The following PAK4 variants were observed in gnomAD, a reference collection of about 807,000 sequenced individuals.
PAK4 encodes p21 (RAC1) activated kinase 4, also known as serine/threonine-protein kinase PAK 4.
In PAK4, 49 loss-of-function variants were observed where a neutral mutation model predicts 53.5. The ratio of observed to expected loss-of-function variants is 0.92; its 90% CI spans 0.73 to 1.16. The LOEUF is 1.16. PAK4 is among the 50% of genes most tolerant of loss of function. The pLI is 0.00. For synonymous variants in PAK4, 376 were observed against 375.6 expected, an observed-to-expected ratio of 1.00 and a Z score of -0.01; for missense variants, 824 against 850.7, an observed-to-expected ratio of 0.97 and a Z score of 0.39.
At chr19:39,152,494 A>C (rs2074109125) in intron 1 of PAK4, 1 of 152,200 alleles carries the variant, frequency 6.6e-6, no homozygotes, top group African/African-American at 2.4e-5. Context: ...CCTTTAAGTG[A>C]AAAAGGGGAA....
intron 1 of PAK4, chr19:39,134,793 G>A (rs917506509): frequency 9.9e-5 from 15 of 151,838 alleles, no homozygotes; most frequent in African/African-American, 3.6e-4. Flanking sequence ...TTAGTAGAGA[G>A]GGGGTTTCAC....
At chr19:39,131,107 G>T (rs900740655) in intron 1 of PAK4, among the ~76,000 whole-genome samples, 2 of 152,128 alleles carry the variant, frequency 1.3e-5, no homozygotes, top group South Asian at 2.1e-4. Flanking sequence ...AGAGGTACGG[G>T]ACTTGCTTAA....
Position 39,177,664 on chromosome 19 carries a change from TC to T in PAK4, c.1486-8del, listed in dbSNP as rs749392460. The T allele has an allele frequency of 6.2e-7, 1 of 1,609,548 alleles. No homozygotes were observed. The highest frequency in any genetic ancestry group is 8.5e-7 in the Non-Finnish European group (1 of 1,177,274). On this transcript the variant is annotated splice_polypyrimidine_tract_variant and intron_variant, in intron 7 of 8. Coordinates refer to ENST00000358301, the Ensembl canonical transcript of PAK4. ...AACAGCTCAGCCCTGCTGTCCCTTC[TC>T]CCGCCCCAGGTAGACATCTGGTCGC...
At chr19:39,128,668 G>T (rs1264009140) in intron 1 of PAK4, among the ~76,000 whole-genome samples, 2 of 152,138 alleles carry the variant, frequency 1.3e-5, no homozygotes, top group Non-Finnish European at 2.9e-5. Context: ...GTCTGGCCTG[G>T]GACAGAACAC....
rs1462297258 is a variant in PAK4 at position 39,175,110 on chromosome 19, C to T, written c.1232+46C>T. The stretch of plus-strand genomic sequence containing the variant: ...CCCTCCTGTGACACGACCAAGTCCC[C>T]TCCAGACCACTAGGGGTGGGGCCAC... On this transcript the variant is annotated intron_variant, in intron 5 of 8. Coordinates refer to ENST00000358301, the Ensembl canonical transcript of PAK4. This position sits in a 1 kb window ranked among gnomAD's most constrained non-coding sequence, Gnocchi z 4.7. 6.4e-7 allele frequency: 1 copy of T among 1,571,542 alleles called. No homozygotes were observed. The highest frequency in any genetic ancestry group is 1.7e-5 in the Admixed American group (1 of 57,344).
chr19:39,164,779 C>T (rs1256046193), intron 1 of PAK4, among the ~76,000 whole-genome samples: 1 of 152,196 alleles, frequency 6.6e-6, no homozygotes, highest in Non-Finnish European at 1.5e-5. Flanking sequence ...GTTTCCACAG[C>T]TGCAAAATGG....
Position 39,173,880 on chromosome 19 carries a change from ACTT to A in PAK4, c.970_972del (p.Phe324del), listed in dbSNP as rs1453884072. On this transcript the variant is annotated inframe_deletion, in exon 4 of 9. Transcript: ENST00000358301. The surrounding 1 kb of genome is among the most constrained non-coding windows in gnomAD (Gnocchi z 6.9). ...GGCGACCCCCGCTCCTACCTGGACA[ACTT>A]CATCAAGATTGGCGAGGGCTCCACG... The A allele has an allele frequency of 6.2e-7, 1 of 1,612,682 alleles. No individual in the cohort carries two copies. Among genetic ancestry groups the A allele is most frequent in the Admixed American group, 1.7e-5 (1 of 59,986 alleles).
At chr19:39,170,243 C>A (rs2074453712) in intron 2 of PAK4, among the ~76,000 whole-genome samples, 1 of 152,128 alleles carries the variant, frequency 6.6e-6, no homozygotes, top group South Asian at 2.1e-4. Flanking sequence ...GGAGGGGACA[C>A]CGAGGCAGAG....
intron 2 of PAK4, among the ~76,000 whole-genome samples, chr19:39,170,079 C>T (rs1366209367): frequency 6.6e-6 from 1 of 152,166 alleles, no homozygotes; most frequent in African/African-American, 2.4e-5. Context: ...GGACCACACT[C>T]CTGTCTCACC....
intron 1 of PAK4, among the ~76,000 whole-genome samples, chr19:39,129,381 G>A (rs554114): frequency 0.61 from 92,470 of 151,684 alleles, 28,343 homozygotes; most frequent in Middle Eastern, 0.75. Flanking sequence ...CCGTGCAGCA[G>A]TGGGCCTTCT....
At chr19:39,172,696 A>T (rs2074505527) in intron 2 of PAK4, among the ~76,000 whole-genome samples, 1 of 152,086 alleles carries the variant, frequency 6.6e-6, no homozygotes, top group South Asian at 2.1e-4. Context: ...CCCAGGGGGC[A>T]GCAGCCTGGC....
At chr19:39,158,072 A>ATGCATGTGTGTGTG (rs2074216875) in intron 1 of PAK4, among the ~76,000 whole-genome samples, 2 of 137,910 alleles carry the variant, frequency 1.5e-5, no homozygotes, top group Admixed American at 1.4e-4. Context: ...GTGTGTGAGC[A>ATGCATGTGTGTGTG]TGCATGTGTG....
rs376382969 is a variant in PAK4 at position 39,177,656 on chromosome 19, G to C, written c.1486-19G>C. 7.3e-5 allele frequency: 117 copies of C among 1,606,820 alleles called. No homozygotes were observed. The African/African-American group carries it at 1.4e-3, about 19-fold the overall frequency. On this transcript the variant is annotated intron_variant, in intron 7 of 8. Transcript: ENST00000358301. ...CATCCCCCAACAGCTCAGCCCTGCT[G>C]TCCCTTCTCCCGCCCCAGGTAGACA... is the stretch of plus-strand genomic sequence containing the variant.
intron 1 of PAK4, among the ~76,000 whole-genome samples, chr19:39,167,718 T>C (rs1462675216): frequency 2.0e-5 from 3 of 150,954 alleles, no homozygotes; most frequent in African/African-American, 7.3e-5. Flanking sequence ...GCCAAACCGG[T>C]TCCCCTGGCT....
Position 39,178,596 on chromosome 19 carries a change from C to A in PAK4, c.*17C>A. On this transcript the variant is annotated 3_prime_UTR_variant, in exon 9 of 9. Transcript: ENST00000358301. The surrounding 1 kb of genome is among the most constrained non-coding windows in gnomAD (Gnocchi z 4.4). ...ACCAGATGAGGCCCAGCGCCCTTCC[C>A]CTCAACCAAAGAGCCCCCCGGGTCA... 6.4e-7 allele frequency: 1 copy of A among 1,557,496 alleles called. No homozygotes were observed. Among genetic ancestry groups the A allele is most frequent in the Non-Finnish European group, 8.7e-7 (1 of 1,146,800 alleles).
At chr19:39,151,925 C>T (rs539374638) in intron 1 of PAK4, among the ~76,000 whole-genome samples, 50 of 152,302 alleles carry the variant, frequency 3.3e-4, no homozygotes, top group African/African-American at 1.0e-3. Context: ...TGCGCCACCA[C>T]GCGCAGCTAA....
Position 39,178,629 on chromosome 19 carries a change from C to T in PAK4, c.*50C>T, listed in dbSNP as rs1217004787. On this transcript the variant is annotated 3_prime_UTR_variant, in exon 9 of 9. Coordinates refer to ENST00000358301, the Ensembl canonical transcript of PAK4. This position sits in a 1 kb window ranked among gnomAD's most constrained non-coding sequence, Gnocchi z 4.4. ...AAAGAGCCCCCCGGGTCACCCCCGC[C>T]CCACTGAGGCCAGTAGGGGGCCAGG... The T allele has an allele frequency of 2.7e-6, 4 of 1,499,590 alleles. No homozygotes were observed. The highest frequency in any genetic ancestry group is 3.6e-6 in the Non-Finnish European group (4 of 1,109,612). The allele number at this position is 1,499,590 out of a possible 1,614,324, so 92.9% of individuals were successfully genotyped here.
intron 2 of PAK4, among the ~76,000 whole-genome samples, chr19:39,171,456 C>T (rs1485739727): frequency 1.3e-5 from 2 of 152,222 alleles, no homozygotes; most frequent in Non-Finnish European, 2.9e-5. Flanking sequence ...TGATCCTCAG[C>T]CTCCCGAGGT....
chr19:39,150,754 A>G (rs7246294), intron 1 of PAK4, among the ~76,000 whole-genome samples: 2,869 of 152,282 alleles, frequency 0.019, 96 homozygotes, highest in African/African-American at 0.066. Flanking sequence ...AAATTAAAAA[A>G]ATGTAAAAAC....
Sources: allele counts gnomAD v4.1 joint callset (sites outside exome capture counted in the v4.1 genomes callset), GRCh38; gene constraint gnomAD v4.1.1; non-coding constraint Gnocchi (gnomAD v3.1); transcripts MANE v1.5; gene names NCBI Gene and HGNC (gene_info 2026-07-23, HGNC 2026-07-21).